Variants in STK3 observed in about 807,000 individuals in gnomAD.
STK3 encodes serine/threonine-protein kinase 3.
In STK3, 41 loss-of-function variants were observed where a neutral mutation model predicts 58.0. The ratio of observed to expected loss-of-function variants is 0.71; its 90% CI spans 0.55 to 0.92. The LOEUF is 0.92. Among genes scored for constraint, STK3 ranks in the 40% least tolerant of loss-of-function variants. STK3 has a pLI of 0.00. For synonymous variants in STK3, 170 were observed against 191.0 expected (o/e 0.89, Z 0.91); for missense variants, 479 against 602.7 (o/e 0.79, Z 2.15).
chr8:98,515,495 C>T (rs1392943382), intron 10 of STK3, among the ~76,000 whole-genome samples: 2 of 152,096 alleles, frequency 1.3e-5, no homozygotes, highest in Non-Finnish European at 2.9e-5. Context: ...TTCGAATGGG[C>T]TTCAGTTTTG....
chr8:98,778,891 G>A (rs1423506540), intron 1 of STK3: 2 of 152,156 alleles, frequency 1.3e-5, no homozygotes, highest in African/African-American at 4.8e-5. Flanking sequence ...GGGGTGGGTG[G>A]AGCGGGCAGG....
intron 3 of STK3, among the ~76,000 whole-genome samples, chr8:98,752,228 T>C (rs1231599682): frequency 1.6e-4 from 24 of 152,030 alleles, no homozygotes; most frequent in Admixed American, 1.6e-3. Flanking sequence ...CAAAACAGCA[T>C]GGTTATGATA....
At chr8:98,378,071 A>C (rs912069423) in intron 2 of STK3, among the ~76,000 whole-genome samples, 2 of 152,200 alleles carry the variant, frequency 1.3e-5, no homozygotes, top group Non-Finnish European at 2.9e-5. Flanking sequence ...GAGAGGAGGA[A>C]AAGAAGCAAG....
At chr8:98,375,555 G>C (rs12681388) in intron 2 of STK3, among the ~76,000 whole-genome samples, 1 of 152,066 alleles carries the variant, frequency 6.6e-6, no homozygotes, top group African/African-American at 2.4e-5. Context: ...TTCCTTTATA[G>C]TCACTGCTTC....
intron 6 of STK3, among the ~76,000 whole-genome samples, chr8:98,653,371 G>C (rs1821142430): frequency 6.6e-6 from 1 of 152,104 alleles, no homozygotes; most frequent in Non-Finnish European, 1.5e-5. Context: ...ATACCCAAAA[G>C]AGAAAGCAGG....
chr8:98,713,446 T>A (rs1245451652), intron 4 of STK3, among the ~76,000 whole-genome samples: 3 of 151,996 alleles, frequency 2.0e-5, no homozygotes, highest in East Asian at 1.9e-4. Context: ...AAAGGTGATA[T>A]CACCACCGAT....
intron 6 of STK3, among the ~76,000 whole-genome samples, chr8:98,673,394 A>C (rs946962511): frequency 1.3e-5 from 2 of 152,216 alleles, no homozygotes; most frequent in African/African-American, 4.8e-5. Context: ...TGATGTGAGA[A>C]TCAAATAAGT....
chr8:98,713,502 T>C (rs560594536), intron 4 of STK3, among the ~76,000 whole-genome samples: 168 of 152,302 alleles, frequency 1.1e-3, no homozygotes, highest in African/African-American at 2.4e-3. Context: ...TAAACACCTC[T>C]ACGCAAATAA....
intron 3 of STK3, among the ~76,000 whole-genome samples, chr8:98,849,430 A>G (rs1836350309): frequency 6.6e-6 from 1 of 152,034 alleles, no homozygotes; most frequent in Admixed American, 6.6e-5. Flanking sequence ...CCACTTACAT[A>G]CCTCAACTCA....
chr8:98,631,144 G>A (rs1013617851), intron 6 of STK3, among the ~76,000 whole-genome samples: 2 of 152,094 alleles, frequency 1.3e-5, no homozygotes, highest in Admixed American at 6.6e-5. Context: ...CTGGACTACT[G>A]AAGAAGTAAC....
intron 6 of STK3, among the ~76,000 whole-genome samples, chr8:98,627,513 A>C (rs1020403956): frequency 4.0e-5 from 6 of 148,416 alleles, no homozygotes; most frequent in Non-Finnish European, 7.5e-5. Context: ...AAAAAAAAAA[A>C]GGTCTGGTTA....
intron 1 of STK3, among the ~76,000 whole-genome samples, chr8:98,908,737 G>C (rs894623872): frequency 1.3e-5 from 2 of 151,544 alleles, no homozygotes; most frequent in African/African-American, 4.9e-5. Context: ...CAGCTACTCA[G>C]GAGGTTGAGG....
intron 7 of STK3, among the ~76,000 whole-genome samples, chr8:98,591,773 C>T (rs933826506): frequency 4.6e-5 from 7 of 152,116 alleles, no homozygotes; most frequent in South Asian, 2.1e-4. Flanking sequence ...GTAAATTGGA[C>T]GAACCAGATA....
rs146175890 is a variant in STK3 at position 98,502,404 on chromosome 8, T to A, written c.1317+24338A>T. ...TACTTGAATACCCTTTATTTCTTTC[T>A]CTTGCCTGATTGCCCTGACCAGAAC... On this transcript the variant is annotated intron_variant, in intron 10 of 10. Coordinates refer to ENST00000419617, the MANE Select transcript of STK3 (RefSeq NM_006281.4). 9.1e-3 allele frequency among the ~76,000 whole-genome samples: 1,383 copies of A among 152,312 alleles called. 10 individuals are homozygous for A. Among genetic ancestry groups the A allele is most frequent in the Non-Finnish European group, 0.015 (1,022 of 68,020 alleles).
intron 6 of STK3, among the ~76,000 whole-genome samples, chr8:98,614,624 G>A (rs955388450): frequency 2.0e-5 from 3 of 152,154 alleles, no homozygotes; most frequent in African/African-American, 7.2e-5. Flanking sequence ...AGCCGAAGCA[G>A]GGCGAGGCAT....
intron 1 of STK3, among the ~76,000 whole-genome samples, chr8:98,823,075 G>A (rs1835013453): frequency 6.6e-6 from 1 of 152,126 alleles, no homozygotes; most frequent in African/African-American, 2.4e-5. Context: ...TCAAAAGTGA[G>A]GGTCATAAAA....
In STK3 at chr8:98,650,052, G is replaced by C. The variant is rs575973178; in HGVS notation, c.685-53883C>G. Among the ~76,000 whole-genome samples the C allele has an allele frequency of 7.2e-5, 11 of 152,058 alleles. No homozygotes were observed. In the South Asian group the frequency reaches 2.3e-3, roughly 32 times the overall value. On this transcript the variant is annotated intron_variant, in intron 6 of 10. Coordinates refer to ENST00000419617, the MANE Select transcript of STK3 (RefSeq NM_006281.4). ...AACATTATTATCAGCACTGAGAAAG[G>C]CTACCAATTTCTGTGTATTTTATAT...
Position 98,455,412 on chromosome 8 carries a change from G to T in STK3, c.*430C>A, listed in dbSNP as rs546902536. On this transcript the variant is annotated 3_prime_UTR_variant, in exon 11 of 11. Coordinates refer to ENST00000419617, the MANE Select transcript of STK3 (RefSeq NM_006281.4). ...TATCCTGATCTTGTCCTTAAAAAAT[G>T]AAACAAAGCAAAATAGCATAAATAA... 1 of 155,096 alleles carries T rather than the reference G, an allele frequency of 6.4e-6. No individual in the cohort carries two copies. The highest frequency in any genetic ancestry group is 2.0e-4 in the South Asian group (1 of 4,968). 9.6% of individuals were successfully genotyped at this position (155,096 alleles called of 1,614,324 possible). A position where few individuals can be genotyped will look rare whatever the true frequency, so the allele number is the denominator to read the frequency against.
chr8:98,654,943 C>G (rs1021036145), intron 6 of STK3, among the ~76,000 whole-genome samples: 1 of 152,010 alleles, frequency 6.6e-6, no homozygotes, highest in African/African-American at 2.4e-5. Flanking sequence ...CCATCCCCAT[C>G]AAGCTACCAG....
Sources: allele counts gnomAD v4.1 joint callset (sites outside exome capture counted in the v4.1 genomes callset), GRCh38; gene constraint gnomAD v4.1.1; transcripts MANE v1.5; gene names NCBI Gene and HGNC (gene_info 2026-07-23, HGNC 2026-07-21).